Variants in KCNK17 observed in about 807,000 individuals in gnomAD.
KCNK17 encodes the protein potassium channel subfamily K member 17.
Under a neutral mutation model 24.6 loss-of-function variants are expected in KCNK17, and 27 were observed. That is an observed-to-expected ratio of 1.10 (90% CI 0.81 to 1.51). KCNK17 has a LOEUF of 1.51. Among genes scored for constraint, KCNK17 ranks in the 40% most tolerant of loss-of-function variants. KCNK17 has a pLI of 0.00. For missense variants in KCNK17, 450 were observed against 436.6 expected, an observed-to-expected ratio of 1.03 and a Z score of -0.27; for synonymous variants, 181 against 189.8, an observed-to-expected ratio of 0.95 and a Z score of 0.38.
chr6:39,310,995 C>T lies in KCNK17; in HGVS notation c.250G>A (p.Ala84Thr). Residue 84 changes from alanine to threonine, a missense_variant, in exon 2 of 5, where the codon GCA becomes ACA. Ala to Thr is a moderately conservative substitution (Grantham distance 58). Transcript: ENST00000373231. ...AGGAGGCTGGCTCCGTTTTTGTATG[C>T]TTGGACGACATCCTGGGGAAGAGGC... Reference protein sequence around the residue: ...LDSLIRDVVQAYKNGASLLSN... With the variant: ...LDSLIRDVVQTYKNGASLLSN... The T allele has an allele frequency of 1.9e-6, 3 of 1,598,928 alleles. No homozygotes were observed. Among genetic ancestry groups the T allele is most frequent in the Non-Finnish European group, 2.6e-6 (3 of 1,169,232 alleles).
chr6:39,310,888 CT>C lies in KCNK17; in HGVS notation c.352+4del, dbSNP rs1762121790. On this transcript the variant is annotated splice_donor_region_variant and intron_variant, in intron 2 of 4. Coordinates refer to ENST00000373231, the MANE Select transcript of KCNK17 (RefSeq NM_031460.4). Reference sequence around the variant, plus strand: ...CCCATCCCCCTGGCCCCATCTGGCCCTTACCAATGGTGGTGATGGTGGACAC... The same window carrying C: ...CCCATCCCCCTGGCCCCATCTGGCCCTACCAATGGTGGTGATGGTGGACAC... The C allele has an allele frequency of 1.3e-6, 2 of 1,588,222 alleles. No homozygotes were observed. The highest frequency in any genetic ancestry group is 1.7e-6 in the Non-Finnish European group (2 of 1,160,822).
At chr6:39,305,728 C>A (rs545526415) in intron 2 of KCNK17, among the ~76,000 whole-genome samples, 7 of 152,306 alleles carry the variant, frequency 4.6e-5, no homozygotes, top group South Asian at 4.1e-4. Flanking sequence ...AGCTCTTGCC[C>A]AGCCTTTCTC....
rs560134730 is a variant in KCNK17 at position 39,310,760 on chromosome 6, A to G, written c.352+133T>C. ...CCGAGACTGCTCCCAGGCGGTGTCCATGCTGCAGAGCTGAACTGCACTTGG... is the reference window on the plus strand; with the variant it reads ...CCGAGACTGCTCCCAGGCGGTGTCCGTGCTGCAGAGCTGAACTGCACTTGG... On this transcript the variant is annotated intron_variant, in intron 2 of 4. Transcript: ENST00000373231. 1.4e-4 allele frequency: 87 copies of G among 610,140 alleles called. No individual in the cohort carries two copies. In the African/African-American group the frequency reaches 1.4e-3, roughly 10 times the overall value. 37.8% of individuals were successfully genotyped at this position (610,140 alleles called of 1,614,324 possible). A position where few individuals can be genotyped will look rare whatever the true frequency, so the allele number is the denominator to read the frequency against.
chr6:39,303,879 C>A lies in KCNK17; in HGVS notation c.688+78G>T, dbSNP rs1043400939. 57 of 1,496,230 alleles carry A rather than the reference C, an allele frequency of 3.8e-5. No individual in the cohort carries two copies. In the South Asian group the frequency reaches 6.4e-4, roughly 17 times the overall value. 92.7% of individuals were successfully genotyped at this position (1,496,230 alleles called of 1,614,324 possible). ...CCACATGGCGTGCACACAGCAGGTG[C>A]GCCAGCTGCGGGAGCAGATGAGTGA... On this transcript the variant is annotated intron_variant, in intron 4 of 4. Coordinates refer to ENST00000373231, the MANE Select transcript of KCNK17 (RefSeq NM_031460.4).
chr6:39,306,068 T>C (rs903096350), intron 2 of KCNK17, among the ~76,000 whole-genome samples: 1 of 147,508 alleles, frequency 6.8e-6, no homozygotes, highest in Non-Finnish European at 1.5e-5. Flanking sequence ...TTTTGAGACG[T>C]AGTTTCGCTC....
chr6:39,304,419 T>A, intron 3 of KCNK17, 76 bp downstream of exon 3: 1 of 1,333,162 alleles, frequency 7.5e-7, no homozygotes, highest in Non-Finnish European at 1.1e-6. Context: ...CCTCTTGTCA[T>A]TAGTAACCCC....
At chr6:39,306,045 CT>C (rs35104496) in intron 2 of KCNK17, among the ~76,000 whole-genome samples, 2,576 of 139,470 alleles carry the variant, frequency 0.018, 58 homozygotes, top group African/African-American at 0.06. Flanking sequence ...GGGACTGGGT[CT>C]TTTTTTTTTT....
chr6:39,313,980 A>G, intron 1 of KCNK17, 104 bp downstream of exon 1: 1 of 864,190 alleles, frequency 1.2e-6, no homozygotes, highest in Non-Finnish European at 1.7e-6. Flanking sequence ...TGAACAGGAA[A>G]CACCTGACCA....
intron 4 of KCNK17, among the ~76,000 whole-genome samples, chr6:39,300,713 G>A (rs1041553812): frequency 1.3e-5 from 2 of 152,006 alleles, no homozygotes; most frequent in African/African-American, 4.8e-5. Flanking sequence ...TCTCCCCTCT[G>A]ACTGCCTGGT....
intron 2 of KCNK17, among the ~76,000 whole-genome samples, chr6:39,305,741 A>G (rs1292255825): frequency 1.3e-5 from 2 of 151,834 alleles, no homozygotes; most frequent in African/African-American, 4.9e-5. Context: ...CCTTTCTCTG[A>G]GACTCGTCTG....
rs774266412 is a variant in KCNK17 at position 39,310,897 on chromosome 6, G to A, written c.348C>T (p.Thr116=). Residue 116 remains threonine, a synonymous_variant, in exon 2 of 5, where the codon ACC becomes ACT. Coordinates refer to ENST00000373231, the MANE Select transcript of KCNK17 (RefSeq NM_031460.4). ...CTGGCCCCATCTGGCCCTTACCAAT[G>A]GTGGTGATGGTGGACACAGAAAAGA... The part of the protein sequence containing the change: ...SFFFSVSTIT[T]IGYGNLSPNT... The A allele has an allele frequency of 2.7e-6, 4 of 1,497,046 alleles. No homozygotes were observed. Among genetic ancestry groups the A allele is most frequent in the Admixed American group, 3.5e-5 (2 of 57,516 alleles). The allele number at this position is 1,497,046 out of a possible 1,614,324, so 92.7% of individuals were successfully genotyped here.
chr6:39,310,856 C>T (rs1229956755), intron 2 of KCNK17, 37 bp downstream of exon 2: 15 of 1,123,852 alleles, frequency 1.3e-5, no homozygotes, highest in East Asian at 2.5e-5. Context: ...TGCCTCCTTC[C>T]CCCACCCCCA....
intron 2 of KCNK17, 60 bp from the exon 3 acceptor site, chr6:39,304,715 A>G: frequency 1.3e-6 from 2 of 1,561,868 alleles, no homozygotes; most frequent in South Asian, 1.1e-5. Context: ...ACTCACCACC[A>G]CAGCCCCACT....
chr6:39,314,303 G>C lies in KCNK17; in HGVS notation c.18C>G (p.Ala6=). 1 of 1,461,426 alleles carries C rather than the reference G, an allele frequency of 6.8e-7. No individual in the cohort carries two copies. Among genetic ancestry groups the C allele is most frequent in the Non-Finnish European group, 9.0e-7 (1 of 1,110,618 alleles). 90.5% of individuals were successfully genotyped at this position (1,461,426 alleles called of 1,614,324 possible). A position where few individuals can be genotyped will look rare whatever the true frequency, so the allele number is the denominator to read the frequency against. ...GGACCCTGCCCTCGGGAGCCGCCCG[G>C]GCTCGCGGTCGGTACATAGCGGGAG... MYRPR[A]RAAPEGRVRG... is the part of the protein sequence containing the mutation. Residue 6 remains alanine (A), a synonymous_variant, in exon 1 of 5, where the codon GCC becomes GCG. Coordinates refer to ENST00000373231, the MANE Select transcript of KCNK17 (RefSeq NM_031460.4).
At position 39,299,193 on chromosome 6, in the gene KCNK17, G is replaced by A; in HGVS notation, c.*234C>T. 3.8e-6 allele frequency: 2 copies of A among 521,824 alleles called. No homozygotes were observed. Among genetic ancestry groups the A allele is most frequent in the Non-Finnish European group, 6.8e-6 (2 of 294,074 alleles). The allele number at this position is 521,824 out of a possible 1,614,324, so 32.3% of individuals were successfully genotyped here. A position where few individuals can be genotyped will look rare whatever the true frequency, so the allele number is the denominator to read the frequency against. On this transcript the variant is annotated 3_prime_UTR_variant, in exon 5 of 5. Transcript: ENST00000373231. ...CAGCCATCATATCGGCGGCATTGCA[G>A]CCCGCTAAAGTAAGGAAGTGGGGGA... is the stretch of plus-strand genomic sequence containing the variant.
At chr6:39,306,766 G>GTTTTT (rs34588404) in intron 2 of KCNK17, among the ~76,000 whole-genome samples, 1 of 130,524 alleles carries the variant, frequency 7.7e-6, no homozygotes, top group Admixed American at 7.8e-5. Flanking sequence ...TTCTTTCTTT[G>GTTTTT]TTTTTTTTTT....
At chr6:39,300,909 C>T (rs757985260) in intron 4 of KCNK17, among the ~76,000 whole-genome samples, 23 of 152,194 alleles carry the variant, frequency 1.5e-4, no homozygotes, top group Non-Finnish European at 2.6e-4. Context: ...CTCTGTTACA[C>T]GTGCTGCTTT....
rs565789854 is a variant in KCNK17 at position 39,313,356 on chromosome 6, T to C, written c.237+728A>G. Among the ~76,000 whole-genome samples, 16 of 152,292 alleles carry C rather than the reference T, an allele frequency of 1.1e-4. No homozygotes were observed. In the South Asian group the frequency reaches 3.1e-3, roughly 30 times the overall value. Reference sequence around the variant, plus strand: ...GCGGCGGCGGCGCGCCCAGTCCTTGTGTCCGAAGACTCGGAGTAAAGCGGG... The same window carrying C: ...GCGGCGGCGGCGCGCCCAGTCCTTGCGTCCGAAGACTCGGAGTAAAGCGGG... On this transcript the variant is annotated intron_variant, in intron 1 of 4. Coordinates refer to ENST00000373231, the MANE Select transcript of KCNK17 (RefSeq NM_031460.4).
chr6:39,313,434 C>T (rs1331011323), intron 1 of KCNK17, among the ~76,000 whole-genome samples: 1 of 152,208 alleles, frequency 6.6e-6, no homozygotes, highest in Non-Finnish European at 1.5e-5. Context: ...CGGGTCTGCG[C>T]ACGTCGAGCC....
Sources: allele counts gnomAD v4.1 joint callset (sites outside exome capture counted in the v4.1 genomes callset), GRCh38; gene constraint gnomAD v4.1.1; transcripts MANE v1.5; gene names NCBI Gene and HGNC (gene_info 2026-07-23, HGNC 2026-07-21).